The following NME7 variants were observed in gnomAD, a reference collection of about 807,000 sequenced individuals.
NME7 encodes NME/NM23 family member 7.
Under a neutral mutation model 49.1 loss-of-function variants are expected in NME7, and 41 were observed. The observed-to-expected ratio is 0.83, with a 90% confidence interval of 0.65 to 1.08. The LOEUF is 1.08. Ranked by LOEUF, NME7 falls within the 50% of genes least tolerant of loss-of-function variation. The pLI, the probability that NME7 is intolerant of heterozygous loss-of-function variation, is 0.00. For missense variants in NME7, 423 were observed against 463.4 expected, an observed-to-expected ratio of 0.91 and a Z score of 0.80; for synonymous variants, 139 against 150.6, an observed-to-expected ratio of 0.92 and a Z score of 0.56.
chr1:169,363,971 C>T (rs1286142095), intron 1 of NME7, among the ~76,000 whole-genome samples: 1 of 152,194 alleles, frequency 6.6e-6, no homozygotes, highest in Non-Finnish European at 1.5e-5. Flanking sequence ...CACTTTCTAC[C>T]TCCCTATGCC....
rs948084767 is a variant in NME7 at position 169,209,548 on chromosome 1, G to A, written c.990+21170C>T. Reference sequence around the variant, plus strand: ...AAAATATATTTCAAAACCTTCCACTGTTACCATCCAAGCCCAAGGTCCCAT... The same window carrying A: ...AAAATATATTTCAAAACCTTCCACTATTACCATCCAAGCCCAAGGTCCCAT... On this transcript the variant is annotated intron_variant, in intron 10 of 11. Coordinates refer to ENST00000367811, the MANE Select transcript of NME7 (RefSeq NM_013330.5). Among the ~76,000 whole-genome samples, 10 of 151,906 alleles carry A rather than the reference G, an allele frequency of 6.6e-5. 1 individual carries two copies. The highest frequency in any genetic ancestry group is 5.9e-4 in the Admixed American group (9 of 15,232).
intron 6 of NME7, among the ~76,000 whole-genome samples, chr1:169,293,720 A>T (rs529757347): frequency 6.6e-6 from 1 of 152,264 alleles, no homozygotes; most frequent in Admixed American, 6.5e-5. Context: ...ACTTCATGAA[A>T]ATCTGTGCTA....
chr1:169,266,351 AAAGAC>A lies in NME7; in HGVS notation c.754+20947_754+20951del, dbSNP rs1649319919. 1.5e-5 allele frequency among the ~76,000 whole-genome samples: 2 copies of A among 133,282 alleles called. 1 individual carries two copies. The highest frequency in any genetic ancestry group is 3.5e-5 in the Non-Finnish European group (2 of 56,608). 87.4% of individuals were successfully genotyped at this position (133,282 alleles called of 152,430 possible). Reference sequence around the variant, plus strand: ...TGTGACTCATCACATAAACAGAACTAAAGACAGGAACCACAGATGCAGAAAAAGCC... The same window carrying A: ...TGTGACTCATCACATAAACAGAACTAAGGAACCACAGATGCAGAAAAAGCC... On this transcript the variant is annotated intron_variant, in intron 7 of 11. Coordinates refer to ENST00000367811, the MANE Select transcript of NME7 (RefSeq NM_013330.5).
intron 1 of NME7, among the ~76,000 whole-genome samples, chr1:169,329,705 G>C (rs1316092236): frequency 6.6e-6 from 1 of 152,042 alleles, no homozygotes. Flanking sequence ...AAATAGGCTG[G>C]AAAGGGCAAA....
chr1:169,216,584 T>C (rs1660979285), intron 10 of NME7, among the ~76,000 whole-genome samples: 1 of 152,218 alleles, frequency 6.6e-6, no homozygotes, highest in Admixed American at 6.5e-5. Flanking sequence ...CTCTAGCAAA[T>C]TAATCAAACT....
intron 11 of NME7, among the ~76,000 whole-genome samples, chr1:169,141,128 A>G (rs1018027265): frequency 6.6e-6 from 1 of 152,206 alleles, no homozygotes; most frequent in African/African-American, 2.4e-5. Context: ...TTTACAATAA[A>G]GTTTCTGGAT....
chr1:169,363,075 G>GAA lies in NME7; in HGVS notation c.3+4631_3+4632dup, dbSNP rs35940727. On this transcript the variant is annotated intron_variant, in intron 1 of 11. Transcript: ENST00000367811. ...GGCAGCATAGTGAGACCCTGTCTCT[G>GAA]AAAAAAAAAAAAAATTAGCTGGGCA... is the stretch of plus-strand genomic sequence containing the variant. 3.0e-4 allele frequency among the ~76,000 whole-genome samples: 43 copies of GAA among 141,806 alleles called. 1 individual carries two copies. The highest frequency in any genetic ancestry group is 5.1e-4 in the Non-Finnish European group (33 of 65,184). The allele number at this position is 141,806 out of a possible 152,430, so 93.0% of individuals were successfully genotyped here.
At chr1:169,288,994 A>G (rs985259581) in intron 6 of NME7, among the ~76,000 whole-genome samples, 47 of 148,344 alleles carry the variant, frequency 3.2e-4, no homozygotes, top group African/African-American at 1.2e-3. Flanking sequence ...TCCCTTCACA[A>G]CAAAATTCAA....
intron 6 of NME7, among the ~76,000 whole-genome samples, chr1:169,297,969 G>A (rs763032515): frequency 6.6e-6 from 1 of 152,108 alleles, no homozygotes; most frequent in Non-Finnish European, 1.5e-5. Flanking sequence ...GTCTAATATT[G>A]TTTCATTGCA....
At chr1:169,320,276 G>A (rs1185908088) in intron 3 of NME7, among the ~76,000 whole-genome samples, 1 of 152,116 alleles carries the variant, frequency 6.6e-6, no homozygotes, top group East Asian at 1.9e-4. Context: ...TATAAAGAGA[G>A]GATAAAAATG....
rs1344358212 is a variant in NME7 at position 169,266,802 on chromosome 1, T to C, written c.754+20501A>G. On this transcript the variant is annotated intron_variant, in intron 7 of 11. Transcript: ENST00000367811. ...AAAAATCAGGGCCAGGTGCAGTGGC[T>C]CACACCTGTAATCCCAGGACTTTGG... 3.0e-5 allele frequency among the ~76,000 whole-genome samples: 4 copies of C among 133,336 alleles called. 2 individuals are homozygous for C. Among genetic ancestry groups the C allele is most frequent in the Admixed American group, 2.9e-4 (4 of 13,580 alleles). 87.5% of individuals were successfully genotyped at this position (133,336 alleles called of 152,430 possible).
At chr1:169,140,656 C>A (rs1469113877) in intron 11 of NME7, among the ~76,000 whole-genome samples, 1 of 150,698 alleles carries the variant, frequency 6.6e-6, no homozygotes, top group Non-Finnish European at 1.5e-5. Flanking sequence ...GTGACCTTGA[C>A]ACTTCCTCTT....
chr1:169,324,412 C>T lies in NME7; in HGVS notation c.92G>A (p.Gly31Glu), dbSNP rs1490876610. 1 of 1,611,926 alleles carries T rather than the reference C, an allele frequency of 6.2e-7. No homozygotes were observed. ...ATTTACCATTTCAACAGATCCATCC[C>T]CTGGGTAAAATAAAAGCTCATAACG... ...LRRYELLFYP[G>E]DGSVEMHDVK... The change falls in exon 2 of 12, where the codon GGG (glycine) becomes GAG (glutamate). Residue 31 changes from glycine (G) to glutamate (E), a missense_variant. By Grantham distance (98) the Gly-to-Glu change is moderately conservative. Transcript: ENST00000367811.
At chr1:169,321,068 GGTT>G (rs1438252820) in intron 3 of NME7, among the ~76,000 whole-genome samples, 1 of 152,066 alleles carries the variant, frequency 6.6e-6, no homozygotes, top group Non-Finnish European at 1.5e-5. Context: ...TAATTTTTAT[GGTT>G]GTTATTTTAT....
At chr1:169,341,264 G>A (rs777783405) in intron 1 of NME7, among the ~76,000 whole-genome samples, 6 of 152,194 alleles carry the variant, frequency 3.9e-5, no homozygotes, top group Non-Finnish European at 7.3e-5. Flanking sequence ...ATACAGCTTG[G>A]GGCATTGCTT....
chr1:169,282,535 G>C (rs1239890562), intron 7 of NME7, among the ~76,000 whole-genome samples: 1 of 151,970 alleles, frequency 6.6e-6, no homozygotes, highest in African/African-American at 2.4e-5. Context: ...TTTCAATTTT[G>C]ATGTTAGGGT....
At chr1:169,326,049 T>G (rs1001864034) in intron 1 of NME7, among the ~76,000 whole-genome samples, 1 of 152,000 alleles carries the variant, frequency 6.6e-6, no homozygotes, top group African/African-American at 2.4e-5. Flanking sequence ...AATAAAATAT[T>G]TATTTAAATA....
chr1:169,165,341 T>C (rs1659379687), intron 11 of NME7, among the ~76,000 whole-genome samples: 2 of 151,754 alleles, frequency 1.3e-5, no homozygotes, highest in East Asian at 3.9e-4. Flanking sequence ...TAATGGATAA[T>C]GACAAAATAT....
intron 6 of NME7, 65 bp downstream of exon 6, chr1:169,298,491 T>C: frequency 6.6e-7 from 1 of 1,511,646 alleles, no homozygotes. Context: ...ATAGAAATGC[T>C]TTCCTTTGAT....
Sources: allele counts gnomAD v4.1 joint callset (sites outside exome capture counted in the v4.1 genomes callset), GRCh38; gene constraint gnomAD v4.1.1; transcripts MANE v1.5; gene names NCBI Gene and HGNC (gene_info 2026-07-23, HGNC 2026-07-21).